The following DOCK1 variants were observed in gnomAD, a reference collection of about 807,000 sequenced individuals.
The protein encoded by DOCK1 is dedicator of cytokinesis 1.
In DOCK1, 138 loss-of-function variants were observed where a neutral mutation model predicts 262.7. The observed-to-expected ratio is 0.53, with a 90% CI of 0.46 to 0.61. DOCK1 has a LOEUF of 0.61. DOCK1 is among the 20% of genes least tolerant of loss of function. DOCK1 has a pLI of 0.00. For synonymous variants in DOCK1, 866 were observed against 867.4 expected, an observed-to-expected ratio of 1.00 and a Z score of 0.03; for missense variants, 1,908 against 2,370.7, an observed-to-expected ratio of 0.80 and a Z score of 4.05.
At chr10:127,421,512 T>C (rs890127144) in intron 46 of DOCK1, among the ~76,000 whole-genome samples, 1 of 152,152 alleles carries the variant, frequency 6.6e-6, no homozygotes, top group Admixed American at 6.6e-5. Flanking sequence ...AAGTGTCCAG[T>C]TCAGAGGCAA....
chr10:126,975,070 C>T (rs543796668), intron 2 of DOCK1, among the ~76,000 whole-genome samples: 1 of 152,092 alleles, frequency 6.6e-6, no homozygotes, highest in African/African-American at 2.4e-5. Flanking sequence ...TGTTCTCGTG[C>T]TGTTTGGTGT....
At chr10:127,388,365 A>G (rs1315312620) in intron 38 of DOCK1, among the ~76,000 whole-genome samples, 1 of 152,220 alleles carries the variant, frequency 6.6e-6, no homozygotes, top group Non-Finnish European at 1.5e-5. Context: ...TTAAAAAGGA[A>G]CAAAGCCTCC....
intron 21 of DOCK1, among the ~76,000 whole-genome samples, chr10:127,047,120 A>C (rs1332816077): frequency 6.6e-6 from 1 of 152,166 alleles, no homozygotes; most frequent in African/African-American, 2.4e-5. Context: ...AGTACATTAA[A>C]AAATGACCGT....
Position 127,012,801 on chromosome 10 carries a change from C to CAA in DOCK1, c.1201+428_1201+429insAA, listed in dbSNP as rs1007906618. On this transcript the variant is annotated intron_variant, in intron 12 of 51. Coordinates refer to ENST00000623213, the MANE Select transcript of DOCK1 (RefSeq NM_001290223.2). This position sits in a 1 kb window ranked among gnomAD's most constrained non-coding sequence, Gnocchi z 4.0. The stretch of plus-strand genomic sequence containing the variant: ...CCGCCCCTACACTCCGCCTCACACT[C>CAA]ACTGTTTTTAATCCTGCACTGACAC... 2.0e-5 allele frequency among the ~76,000 whole-genome samples: 3 copies of CAA among 152,312 alleles called. No homozygotes were observed. Among genetic ancestry groups the CAA allele is most frequent in the African/African-American group, 7.2e-5 (3 of 41,578 alleles).
intron 1 of DOCK1, among the ~76,000 whole-genome samples, chr10:126,906,242 C>A (rs2030792403): frequency 6.6e-6 from 1 of 152,162 alleles, no homozygotes; most frequent in African/African-American, 2.4e-5. Context: ...TTTGTCGCTT[C>A]CGAGGGGGGA....
At chr10:127,059,555 G>C (rs1591842843) in intron 22 of DOCK1, among the ~76,000 whole-genome samples, 1 of 151,990 alleles carries the variant, frequency 6.6e-6, no homozygotes, top group East Asian at 1.9e-4. Flanking sequence ...TCTGCCTCTT[G>C]CTGTGTCTAC....
chr10:126,998,878 G>T (rs568505064), intron 8 of DOCK1, among the ~76,000 whole-genome samples: 30 of 152,264 alleles, frequency 2.0e-4, no homozygotes, highest in African/African-American at 6.7e-4. Flanking sequence ...ATCTTCACTT[G>T]TATTATTCAA....
intron 12 of DOCK1, among the ~76,000 whole-genome samples, chr10:127,017,166 AC>A (rs2042029400): frequency 7.6e-6 from 1 of 131,358 alleles, no homozygotes; most frequent in Non-Finnish European, 1.6e-5. Flanking sequence ...ACAAACACAC[AC>A]ACACACACAG....
chr10:126,921,884 T>C (rs1274421903), intron 1 of DOCK1, among the ~76,000 whole-genome samples: 1 of 151,902 alleles, frequency 6.6e-6, no homozygotes, highest in Non-Finnish European at 1.5e-5. Flanking sequence ...ACTCCTGACC[T>C]CAGGTGATCC....
At chr10:127,114,990 C>T (rs190599811) in intron 25 of DOCK1, among the ~76,000 whole-genome samples, 2 of 152,236 alleles carry the variant, frequency 1.3e-5, no homozygotes, top group Non-Finnish European at 2.9e-5. Context: ...CTCTTGACCT[C>T]GTGATCCACC....
intron 23 of DOCK1, among the ~76,000 whole-genome samples, chr10:127,092,528 A>G (rs1043452595): frequency 2.6e-5 from 4 of 152,186 alleles, no homozygotes; most frequent in Non-Finnish European, 5.9e-5. Context: ...CTGCTCTGTC[A>G]TCCAAGTGGC....
chr10:127,167,006 T>C (rs1158277124), intron 27 of DOCK1, among the ~76,000 whole-genome samples: 1 of 152,210 alleles, frequency 6.6e-6, no homozygotes, highest in African/African-American at 2.4e-5. Flanking sequence ...GTATGTGTGA[T>C]ACCTACATGA....
intron 27 of DOCK1, among the ~76,000 whole-genome samples, chr10:127,190,997 C>G (rs1336724472): frequency 2.0e-5 from 3 of 152,088 alleles, no homozygotes; most frequent in Middle Eastern, 3.2e-3. Context: ...CCTGCTGGTT[C>G]CTCCTCAAAC....
chr10:127,000,483 G>A (rs1191636188), intron 10 of DOCK1, 176 bp downstream of exon 10: 2 of 894,336 alleles, frequency 2.2e-6, no homozygotes, highest in African/African-American at 1.7e-5. Flanking sequence ...GACCTGCTAG[G>A]CTCAGGATGC....
intron 29 of DOCK1, among the ~76,000 whole-genome samples, chr10:127,274,443 A>G (rs2060673290): frequency 6.6e-6 from 1 of 152,188 alleles, no homozygotes; most frequent in Non-Finnish European, 1.5e-5. Context: ...CACTGTGCAG[A>G]GCACAGGGAG....
At chr10:126,986,757 A>G (rs1488724191) in intron 4 of DOCK1, among the ~76,000 whole-genome samples, 26 of 152,120 alleles carry the variant, frequency 1.7e-4, no homozygotes, top group Admixed American at 1.7e-3. Flanking sequence ...TAAAAATACA[A>G]AAATTAGCCG....
At chr10:127,076,350 A>C (rs573262034) in intron 23 of DOCK1, among the ~76,000 whole-genome samples, 5 of 152,114 alleles carry the variant, frequency 3.3e-5, no homozygotes, top group Admixed American at 2.6e-4. Flanking sequence ...AAATACAAAA[A>C]ATTAGCTAGG....
At chr10:127,096,005 G>A (rs1337064434) in intron 23 of DOCK1, among the ~76,000 whole-genome samples, 1 of 152,174 alleles carries the variant, frequency 6.6e-6, no homozygotes, top group African/African-American at 2.4e-5. Flanking sequence ...GATGGGGAAT[G>A]CTATCTGAAA....
intron 38 of DOCK1, among the ~76,000 whole-genome samples, chr10:127,394,558 CTTG>C (rs1465673068): frequency 3.3e-5 from 5 of 152,096 alleles, no homozygotes; most frequent in African/African-American, 9.7e-5. Flanking sequence ...ATATGGGTTT[CTTG>C]TTGGCATTTC....
Sources: allele counts gnomAD v4.1 joint callset (sites outside exome capture counted in the v4.1 genomes callset), GRCh38; gene constraint gnomAD v4.1.1; non-coding constraint Gnocchi (gnomAD v3.1); transcripts MANE v1.5; gene names NCBI Gene and HGNC (gene_info 2026-07-23, HGNC 2026-07-21).